TRAPPC9: variants seen among roughly 807,000 people sequenced by gnomAD.
The protein encoded by TRAPPC9 is trafficking protein particle complex subunit 9.
A neutral mutation model predicts 124.0 loss-of-function variants in TRAPPC9; 83 were observed. The observed-to-expected ratio is 0.67, with a 90% confidence interval of 0.56 to 0.80. TRAPPC9 has a LOEUF of 0.80. Among genes scored for constraint, TRAPPC9 ranks in the 30% least tolerant of loss-of-function variants. The probability of loss-of-function intolerance (pLI) is 0.00; values close to 1 mark genes in which losing one functional copy is unlikely to be tolerated. For missense variants in TRAPPC9, 1,302 were observed against 1,508.3 expected, an observed-to-expected ratio of 0.86 and a Z score of 2.27; for synonymous variants, 638 against 617.5, an observed-to-expected ratio of 1.03 and a Z score of -0.49.
At chr8:140,098,526 G>GT (rs2060500557) in intron 17 of TRAPPC9, 1 of 152,042 alleles carries the variant, frequency 6.6e-6, no homozygotes, top group African/African-American at 2.4e-5. Context: ...TCTCTGTACA[G>GT]TTCCCGCAGC....
At chr8:140,053,645 T>G (rs1842126360) in intron 17 of TRAPPC9, among the ~76,000 whole-genome samples, 1 of 152,166 alleles carries the variant, frequency 6.6e-6, no homozygotes, top group South Asian at 2.1e-4. Context: ...TATCCATTCT[T>G]GAAAGTGGGG....
chr8:140,204,131 G>A (rs1053243793), intron 17 of TRAPPC9, among the ~76,000 whole-genome samples: 1 of 152,098 alleles, frequency 6.6e-6, no homozygotes, highest in Non-Finnish European at 1.5e-5. Flanking sequence ...CCACAGTAAT[G>A]AGTGAGTTCT....
intron 17 of TRAPPC9, among the ~76,000 whole-genome samples, chr8:140,191,567 G>A (rs7828454): frequency 0.6 from 91,369 of 151,872 alleles, 28,483 homozygotes; most frequent in Non-Finnish European, 0.7. Flanking sequence ...CATGTGACAC[G>A]TCGGCTCTGG....
At chr8:140,204,489 G>A (rs896474240) in intron 17 of TRAPPC9, among the ~76,000 whole-genome samples, 4 of 124,708 alleles carry the variant, frequency 3.2e-5, no homozygotes, top group African/African-American at 8.9e-5. Context: ...GGGGGGAGGG[G>A]GGAGGGATAG....
intron 5 of TRAPPC9, among the ~76,000 whole-genome samples, chr8:140,410,826 G>C (rs1588303512): frequency 6.7e-6 from 1 of 149,260 alleles, no homozygotes; most frequent in Middle Eastern, 3.5e-3. Flanking sequence ...CTGGGTGACA[G>C]AGCGAGACTG....
chr8:140,184,860 G>A (rs1001164256), intron 17 of TRAPPC9, among the ~76,000 whole-genome samples: 7 of 151,896 alleles, frequency 4.6e-5, no homozygotes, highest in Non-Finnish European at 1.0e-4. Flanking sequence ...ACATGCCTGC[G>A]CCCACCACCC....
At chr8:140,042,986 TC>T (rs777813590) in intron 17 of TRAPPC9, among the ~76,000 whole-genome samples, 3 of 152,112 alleles carry the variant, frequency 2.0e-5, no homozygotes, top group Non-Finnish European at 4.4e-5. Flanking sequence ...TGTAATAACT[TC>T]CCTACCAAAC....
intron 1 of TRAPPC9, among the ~76,000 whole-genome samples, chr8:140,452,430 AAAAAAAAAAAGAATTAAAAGAAAAAG>A (rs2071499118): frequency 6.6e-6 from 1 of 151,512 alleles, no homozygotes; most frequent in South Asian, 2.1e-4. Flanking sequence ...AAAAAAAAAA[AAAAAAAAAAAGAATTAAAAGAAAAAG>A]AACTTGCCTT....
rs758420997 is a variant in TRAPPC9 at position 140,409,572 on chromosome 8, G to C, written c.887-3874C>G. On this transcript the variant is annotated intron_variant, in intron 5 of 22. Transcript: ENST00000438773. ...CAATCAAACATCCACATGCAGAAGA[G>C]TGGTGAAATAAAACCCGGTACCTGC... 3.5e-4 allele frequency among the ~76,000 whole-genome samples: 54 copies of C among 152,164 alleles called. 1 individual carries two copies. Among genetic ancestry groups the C allele is most frequent in the Non-Finnish European group, 1.5e-4 (10 of 68,036 alleles).
chr8:140,342,896 T>C (rs531029473), intron 9 of TRAPPC9, among the ~76,000 whole-genome samples: 66 of 152,312 alleles, frequency 4.3e-4, no homozygotes, highest in African/African-American at 1.5e-3. Context: ...GAAGTCTGCA[T>C]ACTTCACAAT....
At chr8:140,084,987 C>T (rs766090805) in intron 17 of TRAPPC9, among the ~76,000 whole-genome samples, 3 of 152,168 alleles carry the variant, frequency 2.0e-5, no homozygotes, top group Non-Finnish European at 2.9e-5. Flanking sequence ...ACTCCGAGGC[C>T]TATGCTCGCA....
chr8:140,061,539 G>A (rs988128733), intron 17 of TRAPPC9, among the ~76,000 whole-genome samples: 5 of 152,260 alleles, frequency 3.3e-5, no homozygotes, highest in African/African-American at 7.2e-5. Context: ...TTGGCAGCGT[G>A]CCACAGAGCC....
chr8:140,344,995 G>C (rs2067297577), intron 9 of TRAPPC9, among the ~76,000 whole-genome samples: 1 of 152,252 alleles, frequency 6.6e-6, no homozygotes, highest in Non-Finnish European at 1.5e-5. Flanking sequence ...ACAGCGTCAA[G>C]GTTTCTGCCC....
At chr8:139,941,442 G>C (rs1283464670) in intron 19 of TRAPPC9, among the ~76,000 whole-genome samples, 1 of 152,228 alleles carries the variant, frequency 6.6e-6, no homozygotes, top group African/African-American at 2.4e-5. Flanking sequence ...TGTGCTCTCA[G>C]TTGCAAGACT....
chr8:139,890,124 T>C (rs1469649637), intron 20 of TRAPPC9, among the ~76,000 whole-genome samples: 47 of 152,206 alleles, frequency 3.1e-4, no homozygotes, highest in Non-Finnish European at 1.3e-4. Context: ...CTTTATCTTT[T>C]TGCAAAAGCG....
At chr8:140,243,897 C>T (rs1171581257) in intron 16 of TRAPPC9, among the ~76,000 whole-genome samples, 6 of 152,242 alleles carry the variant, frequency 3.9e-5, no homozygotes, top group African/African-American at 1.2e-4. Context: ...CTGAGCCGCA[C>T]AGCAGGAGGT....
At chr8:140,240,511 A>G (rs1286499224) in intron 16 of TRAPPC9, among the ~76,000 whole-genome samples, 1 of 152,154 alleles carries the variant, frequency 6.6e-6, no homozygotes, top group East Asian at 1.9e-4. Context: ...GGGTGGTTAC[A>G]CTTACCGCCT....
chr8:139,937,966 G>A (rs975259527), intron 19 of TRAPPC9, among the ~76,000 whole-genome samples: 1 of 152,034 alleles, frequency 6.6e-6, no homozygotes, highest in Non-Finnish European at 1.5e-5. Context: ...CTGAGTCTTC[G>A]GGGATTTGAA....
At chr8:140,057,375 AT>A (rs754657892) in intron 17 of TRAPPC9, among the ~76,000 whole-genome samples, 3 of 152,256 alleles carry the variant, frequency 2.0e-5, no homozygotes, top group Non-Finnish European at 4.4e-5. Flanking sequence ...TCTCAGAGAG[AT>A]ATGTACACTT....
Sources: allele counts gnomAD v4.1 joint callset (sites outside exome capture counted in the v4.1 genomes callset), GRCh38; gene constraint gnomAD v4.1.1; transcripts MANE v1.5; gene names NCBI Gene and HGNC (gene_info 2026-07-23, HGNC 2026-07-21).